The following LYPD6 variants were observed in gnomAD, a reference collection of about 807,000 sequenced individuals.
The protein encoded by LYPD6 is ly6/PLAUR domain-containing protein 6.
Under a neutral mutation model 22.7 loss-of-function variants are expected in LYPD6, and 15 were observed. The observed-to-expected ratio is 0.66, with a 90% confidence interval of 0.44 to 1.02. The LOEUF is 1.02. Among genes scored for constraint, LYPD6 ranks in the 50% least tolerant of loss-of-function variants. The pLI is 0.00. For synonymous variants in LYPD6, 72 were observed against 77.5 expected, an observed-to-expected ratio of 0.93 and a Z score of 0.37; for missense variants, 189 against 208.4, an observed-to-expected ratio of 0.91 and a Z score of 0.57.
intron 3 of LYPD6, among the ~76,000 whole-genome samples, chr2:149,451,468 G>C (rs181741974): frequency 6.6e-6 from 1 of 152,302 alleles, no homozygotes; most frequent in Non-Finnish European, 1.5e-5. Flanking sequence ...GGTAACCTTA[G>C]TGGAGATAAT....
chr2:149,460,522 A>C (rs755774283), intron 3 of LYPD6, among the ~76,000 whole-genome samples: 20 of 152,134 alleles, frequency 1.3e-4, no homozygotes, highest in Non-Finnish European at 2.6e-4. Context: ...GGAATAGATA[A>C]ATCTACAATT....
intron 1 of LYPD6, among the ~76,000 whole-genome samples, chr2:149,418,409 G>C (rs976146720): frequency 6.6e-6 from 1 of 151,056 alleles, no homozygotes; most frequent in Non-Finnish European, 1.5e-5. Context: ...GCATTATCTA[G>C]AACATAAAAA....
At chr2:149,346,413 C>G (rs1681256817) in intron 1 of LYPD6, among the ~76,000 whole-genome samples, 1 of 152,152 alleles carries the variant, frequency 6.6e-6, no homozygotes, top group African/African-American at 2.4e-5. Context: ...CTGAGTTGCT[C>G]TTTATGGGAC....
At chr2:149,459,505 G>A (rs538931313) in intron 3 of LYPD6, among the ~76,000 whole-genome samples, 1 of 152,328 alleles carries the variant, frequency 6.6e-6, no homozygotes, top group Admixed American at 6.5e-5. Context: ...ACAACAGAAT[G>A]TCCTTCTTCT....
chr2:149,462,497 A>G (rs1363813389), intron 3 of LYPD6, among the ~76,000 whole-genome samples: 2 of 151,926 alleles, frequency 1.3e-5, no homozygotes, highest in South Asian at 2.1e-4. Flanking sequence ...AGATTGTTAT[A>G]TAGGTTTAAC....
the LYPD6 span, among the ~76,000 whole-genome samples, chr2:149,480,726 T>G: frequency 6.6e-6 from 1 of 152,180 alleles, no homozygotes; most frequent in Non-Finnish European, 1.5e-5. Flanking sequence ...TTCCTCGTTG[T>G]TGGGGGAGCG....
chr2:149,450,041 A>G (rs1205308516), intron 3 of LYPD6, among the ~76,000 whole-genome samples: 2 of 152,150 alleles, frequency 1.3e-5, no homozygotes, highest in Non-Finnish European at 2.9e-5. Flanking sequence ...AGAGCATGGA[A>G]ACCAAAATTA....
chr2:149,356,926 A>T (rs1681460906), intron 1 of LYPD6, among the ~76,000 whole-genome samples: 1 of 152,174 alleles, frequency 6.6e-6, no homozygotes, highest in Non-Finnish European at 1.5e-5. Context: ...TCATTATCCA[A>T]ATTCACTTGT....
intron 2 of LYPD6, among the ~76,000 whole-genome samples, chr2:149,440,937 C>T (rs557495487): frequency 6.6e-6 from 1 of 151,866 alleles, no homozygotes; most frequent in African/African-American, 2.4e-5. Context: ...CATCTCCTGA[C>T]CTTGTGATCT....
chr2:149,446,479 C>A (rs933748759), intron 2 of LYPD6, among the ~76,000 whole-genome samples: 5 of 152,100 alleles, frequency 3.3e-5, no homozygotes, highest in African/African-American at 1.2e-4. Flanking sequence ...CAAATGTAAC[C>A]CATTTTTCTA....
chr2:149,437,563 A>T (rs1391454038), intron 1 of LYPD6, 75 bp from the exon 2 acceptor site: 1 of 1,316,984 alleles, frequency 7.6e-7, no homozygotes, highest in African/African-American at 1.5e-5. Context: ...CCATCTTACC[A>T]GCATGGGAGC....
the LYPD6 span, among the ~76,000 whole-genome samples, chr2:149,482,723 T>C: frequency 3.9e-5 from 6 of 152,202 alleles, no homozygotes; most frequent in African/African-American, 1.4e-4. Flanking sequence ...ACTTGAGTTC[T>C]TCACGTCTTT....
intron 1 of LYPD6, among the ~76,000 whole-genome samples, chr2:149,427,765 C>T (rs946519577): frequency 5.9e-5 from 9 of 152,210 alleles, no homozygotes; most frequent in Admixed American, 2.0e-4. Flanking sequence ...TAAGTACACT[C>T]TATGATGTTC....
At chr2:149,434,686 T>C (rs1170350331) in intron 1 of LYPD6, among the ~76,000 whole-genome samples, 2 of 152,180 alleles carry the variant, frequency 1.3e-5, no homozygotes, top group East Asian at 3.9e-4. Flanking sequence ...CTGACATAAA[T>C]GTTCCCATCC....
At chr2:149,404,633 G>C (rs1682651392) in intron 1 of LYPD6, among the ~76,000 whole-genome samples, 1 of 152,158 alleles carries the variant, frequency 6.6e-6, no homozygotes, top group Admixed American at 6.5e-5. Flanking sequence ...GAGATTTTGG[G>C]CTGAGACAGT....
In LYPD6 at chr2:149,412,204, T is replaced by G. The variant is rs549177409; in HGVS notation, c.-71-25434T>G. 1.6e-3 allele frequency among the ~76,000 whole-genome samples: 240 copies of G among 152,320 alleles called. 1 individual carries two copies. The highest frequency in any genetic ancestry group is 2.6e-3 in the Non-Finnish European group (175 of 68,012). The stretch of plus-strand genomic sequence containing the variant: ...CCAGAAAATATAAATTAATTTGCTT[T>G]TCAAATGAGACTCTCTTTTCCCATA... On this transcript the variant is annotated intron_variant, in intron 1 of 4. Transcript: ENST00000334166.
At chr2:149,463,999 T>C (rs1681145086) in intron 3 of LYPD6, among the ~76,000 whole-genome samples, 1 of 152,000 alleles carries the variant, frequency 6.6e-6, no homozygotes, top group Non-Finnish European at 1.5e-5. Flanking sequence ...TACCATAGTT[T>C]TGCAGTTGTT....
chr2:149,474,118 A>T lies in LYPD6; in HGVS notation c.*3268A>T, dbSNP rs1331773591. 1 of 152,148 alleles carries T rather than the reference A, an allele frequency of 6.6e-6. No individual in the cohort carries two copies. The highest frequency in any genetic ancestry group is 2.4e-5 in the African/African-American group (1 of 41,428). The allele number at this position is 152,148 out of a possible 1,614,324, so 9.4% of individuals were successfully genotyped here. ...GAATTTATTATATTTTTCTTAGTAAAGTGATAGACATTGAAAGCAAGCTTG... is the reference window on the plus strand; with the variant it reads ...GAATTTATTATATTTTTCTTAGTAATGTGATAGACATTGAAAGCAAGCTTG... On this transcript the variant is annotated 3_prime_UTR_variant, in exon 5 of 5. Coordinates refer to ENST00000334166, the MANE Select transcript of LYPD6 (RefSeq NM_194317.5).
In LYPD6 at chr2:149,468,913, C is replaced by G. The variant is rs1291369627; in HGVS notation, c.348+138C>G. Reference sequence around the variant, plus strand: ...TGTCTTTATGCTCTATGAAAAGACGCTTCCTTTCCTGTTTACTCTAAAAGA... The same window carrying G: ...TGTCTTTATGCTCTATGAAAAGACGGTTCCTTTCCTGTTTACTCTAAAAGA... On this transcript the variant is annotated intron_variant, in intron 4 of 4. Transcript: ENST00000334166. The G allele has an allele frequency of 7.2e-6, 6 of 833,080 alleles. No individual in the cohort carries two copies. The African/African-American group carries it at 8.5e-5, about 12-fold the overall frequency. The allele number at this position is 833,080 out of a possible 1,614,324, so 51.6% of individuals were successfully genotyped here.
Sources: allele counts gnomAD v4.1 joint callset (sites outside exome capture counted in the v4.1 genomes callset), GRCh38; gene constraint gnomAD v4.1.1; transcripts MANE v1.5; gene names NCBI Gene and HGNC (gene_info 2026-07-23, HGNC 2026-07-21).